ANKH: variants seen among roughly 807,000 people sequenced by gnomAD.
The protein encoded by ANKH is mineralization regulator ANKH.
A neutral mutation model predicts 49.0 loss-of-function variants in ANKH; 15 were observed. That is an observed-to-expected ratio of 0.31 (90% CI 0.20 to 0.47). The LOEUF (loss-of-function observed/expected upper bound fraction) is 0.47. Ranked by LOEUF, ANKH falls within the 20% of genes least tolerant of loss-of-function variation. The pLI is 1.00. For synonymous variants in ANKH, 273 were observed against 260.0 expected, an observed-to-expected ratio of 1.05 and a Z score of -0.48; for missense variants, 429 against 652.0, an observed-to-expected ratio of 0.66 and a Z score of 3.72.
intron 1 of ANKH, among the ~76,000 whole-genome samples, chr5:14,843,748 C>T (rs530135894): frequency 3.7e-4 from 57 of 152,112 alleles, no homozygotes; most frequent in Admixed American, 2.8e-3. Context: ...AGTGTGTGCT[C>T]GCTCTTGAGT....
intron 1 of ANKH, among the ~76,000 whole-genome samples, chr5:14,794,714 C>A (rs746914022): frequency 6.6e-5 from 10 of 152,346 alleles, no homozygotes; most frequent in South Asian, 4.1e-4. Flanking sequence ...GAGCTTGCTG[C>A]AAGTCATATA....
Position 14,722,760 on chromosome 5 carries a change from G to T in ANKH, c.1012-5925C>A, listed in dbSNP as rs537504604. Among the ~76,000 whole-genome samples the T allele has an allele frequency of 2.0e-5, 3 of 152,236 alleles. No individual in the cohort carries two copies. The East Asian group carries it at 5.8e-4, about 29-fold the overall frequency. The stretch of plus-strand genomic sequence containing the variant: ...AATTCATTAGCTGCTCCCCTCTAAG[G>T]TGGGTGGAGCAGACCTTCCTGCTCC... On this transcript the variant is annotated intron_variant, in intron 8 of 11. Transcript: ENST00000284268.
rs1266224822 is a variant in ANKH at position 14,737,643 on chromosome 5, TG to T, written c.1011+4183del. 6.6e-6 allele frequency among the ~76,000 whole-genome samples: 1 copy of T among 152,236 alleles called. No homozygotes were observed. Among genetic ancestry groups the T allele is most frequent in the Non-Finnish European group, 1.5e-5 (1 of 68,038 alleles). On this transcript the variant is annotated intron_variant, in intron 8 of 11. Coordinates refer to ENST00000284268, the MANE Select transcript of ANKH (RefSeq NM_054027.6). This position sits in a 1 kb window ranked among gnomAD's most constrained non-coding sequence, Gnocchi z 5.0. ...AGGCTGCGACGCAGTCTCCTTTGCG[TG>T]GCTGCAACCCTGCACGCTTCCACGT...
chr5:14,826,332 A>G (rs1258645264), intron 1 of ANKH, among the ~76,000 whole-genome samples: 4 of 152,348 alleles, frequency 2.6e-5, no homozygotes, highest in African/African-American at 9.6e-5. Flanking sequence ...AAGAAAACAG[A>G]GTTGGTGACT....
At position 14,706,676 on chromosome 5, in the gene ANKH, C is replaced by A. The variant is rs1736955966; in HGVS notation, c.*4521G>T. The A allele has an allele frequency of 6.6e-6, 1 of 152,152 alleles. No homozygotes were observed. Among genetic ancestry groups the A allele is most frequent in the Non-Finnish European group, 1.5e-5 (1 of 68,024 alleles). The allele number at this position is 152,152 out of a possible 1,614,324, so 9.4% of individuals were successfully genotyped here. On this transcript the variant is annotated 3_prime_UTR_variant, in exon 12 of 12. Coordinates refer to ENST00000284268, the MANE Select transcript of ANKH (RefSeq NM_054027.6). ...TGCCTTTAAAAGGGCAGGCAACAGG[C>A]CCTTTTACGTTTCTCATCAGATTTT...
Position 14,712,928 on chromosome 5 carries a change from A to G in ANKH, c.1311T>C (p.Phe437=), listed in dbSNP as rs550487388. ...TLGVGSLLAG[F]VGESTMVAIA... ...TGGCGACCATGGTGGATTCTCCCAC[A>G]AAGCCCGCCAGGAGGGAGCCCACGC... The change falls in exon 11 of 12, where the codon TTT becomes TTC. Residue 437 remains phenylalanine (F), a synonymous_variant. Coordinates refer to ENST00000284268, the MANE Select transcript of ANKH (RefSeq NM_054027.6). The G allele has an allele frequency of 6.2e-7, 1 of 1,613,690 alleles. No individual in the cohort carries two copies. Among genetic ancestry groups the G allele is most frequent in the South Asian group, 1.1e-5 (1 of 90,930 alleles).
chr5:14,708,229 C>G lies in ANKH; in HGVS notation c.*2968G>C, dbSNP rs1420121454. 6.6e-6 allele frequency: 1 copy of G among 152,224 alleles called. No individual in the cohort carries two copies. Among genetic ancestry groups the G allele is most frequent in the Non-Finnish European group, 1.5e-5 (1 of 68,036 alleles). 9.4% of individuals were successfully genotyped at this position (152,224 alleles called of 1,614,324 possible). Reference sequence around the variant, plus strand: ...AAGGAGGAGCTCTAGAAAACCCTTACTATTTCCTATGCTTTGAGCTGCCCA... The same window carrying G: ...AAGGAGGAGCTCTAGAAAACCCTTAGTATTTCCTATGCTTTGAGCTGCCCA... On this transcript the variant is annotated 3_prime_UTR_variant, in exon 12 of 12. Coordinates refer to ENST00000284268, the MANE Select transcript of ANKH (RefSeq NM_054027.6).
In ANKH at chr5:14,713,107, G is replaced by C. The variant is rs980157739; in HGVS notation, c.1266-134C>G. On this transcript the variant is annotated intron_variant, in intron 10 of 11. Transcript: ENST00000284268. This position sits in a 1 kb window ranked among gnomAD's most constrained non-coding sequence, Gnocchi z 4.4. The stretch of plus-strand genomic sequence containing the variant: ...GCGGCGTTCTCCATCTGCTGGCTTC[G>C]TAAGGGCCGCAGCTAATAACCTAAT... 1.1e-6 allele frequency: 1 copy of C among 872,350 alleles called. No individual in the cohort carries two copies. Among genetic ancestry groups the C allele is most frequent in the Admixed American group, 2.0e-5 (1 of 49,634 alleles). 54.0% of individuals were successfully genotyped at this position (872,350 alleles called of 1,614,324 possible).
At chr5:14,819,900 TACACACAC>T (rs57977744) in intron 1 of ANKH, among the ~76,000 whole-genome samples, 45,280 of 145,366 alleles carry the variant, frequency 0.31, 7,049 homozygotes, top group Admixed American at 0.37. Context: ...AACAAAAATA[TACACACAC>T]ACACACACAC....
At position 14,743,063 on chromosome 5, in the gene ANKH, T is replaced by C. The variant is rs1240349089; in HGVS notation, c.916-1141A>G. Among the ~76,000 whole-genome samples, 2 of 152,244 alleles carry C rather than the reference T, an allele frequency of 1.3e-5. 1 individual carries two copies. Among genetic ancestry groups the C allele is most frequent in the Admixed American group, 1.3e-4 (2 of 15,286 alleles). ...TCCACCTGGAAAAGAGCTTGTGCTT[T>C]TCCTTTACTGGGAGGCTAAGGTCAT... On this transcript the variant is annotated intron_variant, in intron 7 of 11. Transcript: ENST00000284268.
chr5:14,797,255 C>A, intron 1 of ANKH: 4 of 1,405,624 alleles, frequency 2.8e-6, no homozygotes, highest in Non-Finnish European at 4.0e-6. Context: ...CACTGGGATT[C>A]CAGGAGAAAT....
At position 14,745,251 on chromosome 5, in the gene ANKH, A is replaced by G. The variant is rs1391960477; in HGVS notation, c.915+619T>C. On this transcript the variant is annotated intron_variant, in intron 7 of 11. Coordinates refer to ENST00000284268, the MANE Select transcript of ANKH (RefSeq NM_054027.6). The surrounding 1 kb of genome is among the most constrained non-coding windows in gnomAD (Gnocchi z 4.7). ...TAAAAAAAGTCTATAGGTTTAAATGATAACGCTATAAAATAGACTTTAATT... is the reference window on the plus strand; with the variant it reads ...TAAAAAAAGTCTATAGGTTTAAATGGTAACGCTATAAAATAGACTTTAATT... Among the ~76,000 whole-genome samples the G allele has an allele frequency of 2.0e-5, 3 of 152,242 alleles. No homozygotes were observed. Among genetic ancestry groups the G allele is most frequent in the African/African-American group, 7.2e-5 (3 of 41,462 alleles).
chr5:14,813,017 G>T (rs1740932496), intron 1 of ANKH, among the ~76,000 whole-genome samples: 2 of 152,110 alleles, frequency 1.3e-5, no homozygotes, highest in South Asian at 4.1e-4. Flanking sequence ...AAGGTGGGAG[G>T]ATCACTTGAA....
rs559641943 is a variant in ANKH at position 14,791,948 on chromosome 5, TG to T, written c.97-22758del. On this transcript the variant is annotated intron_variant, in intron 1 of 11. Transcript: ENST00000284268. ...GACCACACACAAGAGGTTTAAAAGC[TG>T]GTCCCTGCCTTCAAGGAAGTCATGA... Among the ~76,000 whole-genome samples the T allele has an allele frequency of 2.6e-5, 4 of 152,364 alleles. No individual in the cohort carries two copies. The East Asian group carries it at 7.7e-4, about 29-fold the overall frequency.
Position 14,718,990 on chromosome 5 carries a change from T to C in ANKH, c.1012-2155A>G, listed in dbSNP as rs113726251. The stretch of plus-strand genomic sequence containing the variant: ...GGAGAAGAGAGTTAAAGAAACAAAG[T>C]CCAACACCCAAATAATAGGAGTTCT... On this transcript the variant is annotated intron_variant, in intron 8 of 11. Transcript: ENST00000284268. Among the ~76,000 whole-genome samples the C allele has an allele frequency of 6.8e-3, 1,034 of 151,134 alleles. 12 individuals are homozygous for C. Among genetic ancestry groups the C allele is most frequent in the African/African-American group, 0.024 (968 of 41,078 alleles).
Position 14,719,321 on chromosome 5 carries a change from CCT to C in ANKH, c.1012-2488_1012-2487del, listed in dbSNP as rs532449180. Among the ~76,000 whole-genome samples, 52 of 152,330 alleles carry C rather than the reference CCT, an allele frequency of 3.4e-4. No individual in the cohort carries two copies. The East Asian group carries it at 9.3e-3, about 27-fold the overall frequency. ...AATATTCAGGGCCTCAAAAGTTTTA[CCT>C]CTCATGCACACTTTTTCAAGAAGCT... On this transcript the variant is annotated intron_variant, in intron 8 of 11. Coordinates refer to ENST00000284268, the MANE Select transcript of ANKH (RefSeq NM_054027.6).
At chr5:14,809,060 C>G (rs1300512013) in intron 1 of ANKH, among the ~76,000 whole-genome samples, 322 of 115,204 alleles carry the variant, frequency 2.8e-3, no homozygotes, top group Middle Eastern at 4.2e-3. Context: ...TGGAAACCAT[C>G]ATTCTCAGTA....
intron 1 of ANKH, among the ~76,000 whole-genome samples, chr5:14,818,572 G>GATGGAGGTT (rs1369405616): frequency 6.7e-6 from 1 of 149,472 alleles, no homozygotes; most frequent in African/African-American, 2.5e-5. Context: ...AACCCTGGGA[G>GATGGAGGTT]GTGGAGGTTG....
chr5:14,748,640 G>A (rs1738614521), intron 6 of ANKH, among the ~76,000 whole-genome samples: 1 of 152,270 alleles, frequency 6.6e-6, no homozygotes, highest in Non-Finnish European at 1.5e-5. Context: ...GGGCATGCCA[G>A]GCACGGGTGT....
Sources: allele counts gnomAD v4.1 joint callset (sites outside exome capture counted in the v4.1 genomes callset), GRCh38; gene constraint gnomAD v4.1.1; non-coding constraint Gnocchi (gnomAD v3.1); transcripts MANE v1.5; gene names NCBI Gene and HGNC (gene_info 2026-07-23, HGNC 2026-07-21).